The following CACNB4 variants were observed in gnomAD, a reference collection of about 807,000 sequenced individuals.
CACNB4 encodes the protein voltage-dependent L-type calcium channel subunit beta-4.
CACNB4 carries 32 observed loss-of-function variants against 71.2 expected under a neutral mutation model. The ratio of observed to expected loss-of-function variants is 0.45; its 90% CI spans 0.34 to 0.60. CACNB4 has a LOEUF of 0.60. CACNB4 is among the 20% of genes least tolerant of loss of function. The pLI is 0.01. For synonymous variants in CACNB4, 231 were observed against 236.9 expected (o/e 0.97, Z 0.23); for missense variants, 464 against 647.9 (o/e 0.72, Z 3.08).
At chr2:152,023,854 A>T (rs1357302295) in intron 2 of CACNB4, among the ~76,000 whole-genome samples, 1 of 152,270 alleles carries the variant, frequency 6.6e-6, no homozygotes, top group African/African-American at 2.4e-5. Flanking sequence ...CATTTATGTT[A>T]TCACAAAGTC....
At chr2:151,900,299 C>T (rs765552140) in intron 2 of CACNB4, among the ~76,000 whole-genome samples, 13 of 152,062 alleles carry the variant, frequency 8.5e-5, no homozygotes, top group Non-Finnish European at 1.5e-4. Flanking sequence ...AAAAAAGAAA[C>T]GAAGGTTACT....
chr2:151,902,769 T>C (rs1236638325), intron 2 of CACNB4, among the ~76,000 whole-genome samples: 2 of 152,040 alleles, frequency 1.3e-5, no homozygotes, highest in East Asian at 1.9e-4. Flanking sequence ...CCTGAAAAAC[T>C]TGTGGAATGA....
intron 2 of CACNB4, among the ~76,000 whole-genome samples, chr2:151,962,321 T>G (rs924022761): frequency 3.3e-5 from 5 of 152,224 alleles, no homozygotes; most frequent in Non-Finnish European, 7.3e-5. Context: ...TGTGGTTTCC[T>G]TGCACCCTAC....
At chr2:152,089,717 A>G (rs983865805) in intron 2 of CACNB4, among the ~76,000 whole-genome samples, 3 of 151,968 alleles carry the variant, frequency 2.0e-5, no homozygotes, top group African/African-American at 7.3e-5. Context: ...GGACTGCTTG[A>G]GCCCAGCAGT....
At chr2:151,901,033 G>A (rs551237820) in intron 2 of CACNB4, among the ~76,000 whole-genome samples, 2 of 124,838 alleles carry the variant, frequency 1.6e-5, no homozygotes, top group South Asian at 2.4e-4. Flanking sequence ...TCATTCTGTC[G>A]TCTAGGCTGA....
chr2:151,907,011 T>C (rs1002957139), intron 2 of CACNB4, among the ~76,000 whole-genome samples: 1 of 152,262 alleles, frequency 6.6e-6, no homozygotes, highest in East Asian at 1.9e-4. Flanking sequence ...TATATGTTTA[T>C]TCCCCACTAG....
intron 2 of CACNB4, among the ~76,000 whole-genome samples, chr2:152,097,081 C>A (rs140494693): frequency 3.6e-4 from 55 of 152,214 alleles, no homozygotes; most frequent in African/African-American, 1.3e-3. Flanking sequence ...AGAATGAATT[C>A]GGAATCCAAA....
chr2:151,888,821 A>C (rs1479918225), intron 2 of CACNB4, among the ~76,000 whole-genome samples: 2 of 152,210 alleles, frequency 1.3e-5, no homozygotes, highest in Non-Finnish European at 2.9e-5. Flanking sequence ...GGGAATCAAT[A>C]AGATAACACA....
At chr2:152,072,719 C>A (rs771289454) in intron 2 of CACNB4, among the ~76,000 whole-genome samples, 1 of 151,654 alleles carries the variant, frequency 6.6e-6, no homozygotes, top group Non-Finnish European at 1.5e-5. Flanking sequence ...CGGCTCACTG[C>A]AAGCTCCGCC....
At chr2:151,923,809 C>A (rs914163303) in intron 2 of CACNB4, among the ~76,000 whole-genome samples, 2 of 152,116 alleles carry the variant, frequency 1.3e-5, no homozygotes, top group African/African-American at 4.8e-5. Context: ...TGTTTCCTCA[C>A]GACTAAAATG....
At chr2:151,863,990 TC>T (rs2099842432) in intron 9 of CACNB4, among the ~76,000 whole-genome samples, 1 of 152,174 alleles carries the variant, frequency 6.6e-6, no homozygotes, top group Admixed American at 6.5e-5. Context: ...AACCCAAAAT[TC>T]TTTTTTATAA....
chr2:152,075,152 GA>G (rs1254239066), intron 2 of CACNB4, among the ~76,000 whole-genome samples: 1 of 152,104 alleles, frequency 6.6e-6, no homozygotes, highest in Non-Finnish European at 1.5e-5. Flanking sequence ...TCAAAATTCT[GA>G]CACCATCCTA....
intron 2 of CACNB4, among the ~76,000 whole-genome samples, chr2:152,093,635 T>A (rs1688108249): frequency 6.6e-6 from 1 of 152,122 alleles, no homozygotes; most frequent in Non-Finnish European, 1.5e-5. Context: ...AGCCACCATA[T>A]TATCCGGGAG....
At chr2:151,961,153 T>C (rs533723466) in intron 2 of CACNB4, among the ~76,000 whole-genome samples, 12 of 152,334 alleles carry the variant, frequency 7.9e-5, no homozygotes, top group African/African-American at 2.9e-4. Context: ...TGCTAATCCC[T>C]GTTCCCACCA....
chr2:151,940,674 G>T (rs1470754963), intron 2 of CACNB4, among the ~76,000 whole-genome samples: 1 of 152,170 alleles, frequency 6.6e-6, no homozygotes, highest in South Asian at 2.1e-4. Flanking sequence ...AATCTTTGAG[G>T]TGAAGATCTT....
At chr2:151,970,504 T>C (rs1477053826) in intron 2 of CACNB4, 1 of 152,132 alleles carries the variant, frequency 6.6e-6, no homozygotes, top group Non-Finnish European at 1.5e-5. Flanking sequence ...ATTTATGAAA[T>C]ACACGTACAC....
intron 5 of CACNB4, 139 bp from the exon 6 acceptor site, chr2:151,872,632 A>G: frequency 1.8e-6 from 1 of 553,588 alleles, no homozygotes; most frequent in Non-Finnish European, 3.2e-6. Context: ...AATTTCAAGA[A>G]TCTATCCAAA....
At chr2:152,028,426 A>G (rs897176441) in intron 2 of CACNB4, among the ~76,000 whole-genome samples, 5 of 152,212 alleles carry the variant, frequency 3.3e-5, no homozygotes, top group African/African-American at 1.2e-4. Flanking sequence ...TTCGTGTGTA[A>G]CAGCACAAGC....
intron 9 of CACNB4, 41 bp from the exon 10 acceptor site, chr2:151,860,861 G>A: frequency 7.9e-7 from 1 of 1,270,104 alleles, no homozygotes; most frequent in East Asian, 2.3e-5. Flanking sequence ...CAGTAAAAAT[G>A]TTATGGGGCT....
Sources: allele counts gnomAD v4.1 joint callset (sites outside exome capture counted in the v4.1 genomes callset), GRCh38; gene constraint gnomAD v4.1.1; transcripts MANE v1.5; gene names NCBI Gene and HGNC (gene_info 2026-07-23, HGNC 2026-07-21).